DCDC1: variants seen among roughly 807,000 people sequenced by gnomAD.
DCDC1 encodes doublecortin domain containing 1.
In DCDC1, 200 loss-of-function variants were observed where a neutral mutation model predicts 178.3. That is an observed-to-expected ratio of 1.12 (90% CI 1.00 to 1.26). DCDC1 has a LOEUF of 1.26. Among genes scored for constraint, DCDC1 ranks in the 50% most tolerant of loss-of-function variants. The probability of loss-of-function intolerance (pLI) is 0.00; values close to 1 mark genes in which losing one functional copy is unlikely to be tolerated. For missense variants in DCDC1, 1,983 were observed against 1,749.2 expected (o/e 1.13, Z -2.38); for synonymous variants, 690 against 604.8 (o/e 1.14, Z -2.07).
At chr11:31,138,048 T>C (rs1289673325) in intron 9 of DCDC1, among the ~76,000 whole-genome samples, 2 of 152,196 alleles carry the variant, frequency 1.3e-5, no homozygotes, top group Non-Finnish European at 2.9e-5. Flanking sequence ...TATTAGACAC[T>C]GATGAGTACT....
chr11:31,076,729 T>A (rs527478517), intron 18 of DCDC1, among the ~76,000 whole-genome samples: 1 of 152,300 alleles, frequency 6.6e-6, no homozygotes, highest in Admixed American at 6.5e-5. Context: ...GGTTTTCAGA[T>A]CCTCTTATTG....
chr11:30,963,281 G>A (rs1051377715), intron 20 of DCDC1, among the ~76,000 whole-genome samples: 10 of 152,094 alleles, frequency 6.6e-5, no homozygotes, highest in African/African-American at 2.4e-4. Context: ...CAGAGTTCGA[G>A]CTAGAAGAGA....
At chr11:31,136,854 T>C (rs903209872) in intron 10 of DCDC1, among the ~76,000 whole-genome samples, 1 of 152,116 alleles carries the variant, frequency 6.6e-6, no homozygotes, top group Non-Finnish European at 1.5e-5. Flanking sequence ...GAGAGGAAGG[T>C]TTGCTTTAAT....
chr11:31,148,420 G>A (rs1372231093), intron 9 of DCDC1, among the ~76,000 whole-genome samples: 2 of 151,498 alleles, frequency 1.3e-5, no homozygotes, highest in African/African-American at 4.8e-5. Context: ...TGGGATAATC[G>A]CTTGAGCCTG....
intron 3 of DCDC1, among the ~76,000 whole-genome samples, chr11:31,321,722 C>G (rs962367151): frequency 1.3e-5 from 2 of 152,188 alleles, no homozygotes; most frequent in African/African-American, 4.8e-5. Flanking sequence ...CTCAGCTAAT[C>G]TATACCTATT....
chr11:30,898,367 T>A (rs540156159), intron 34 of DCDC1, among the ~76,000 whole-genome samples: 3 of 152,134 alleles, frequency 2.0e-5, no homozygotes, highest in Non-Finnish European at 4.4e-5. Flanking sequence ...AAGGAATATA[T>A]AGATGATGGT....
At chr11:31,364,178 T>C (rs1193736454) in intron 1 of DCDC1, among the ~76,000 whole-genome samples, 5 of 152,198 alleles carry the variant, frequency 3.3e-5, no homozygotes, top group Non-Finnish European at 5.9e-5. Context: ...GTAGGCTAGA[T>C]GTATTAAGGC....
chr11:31,154,553 C>G (rs1329170471), intron 9 of DCDC1, among the ~76,000 whole-genome samples: 1 of 152,204 alleles, frequency 6.6e-6, no homozygotes, highest in Non-Finnish European at 1.5e-5. Context: ...AGTATGTATT[C>G]ATCTCTACAT....
intron 1 of DCDC1, among the ~76,000 whole-genome samples, chr11:31,336,946 C>A (rs1400863429): frequency 6.6e-6 from 1 of 152,124 alleles, no homozygotes; most frequent in Non-Finnish European, 1.5e-5. Flanking sequence ...AAAGCCAGGA[C>A]TGAGGGAAGA....
At chr11:30,918,835 A>G (rs1482328780) in intron 25 of DCDC1, among the ~76,000 whole-genome samples, 4 of 152,154 alleles carry the variant, frequency 2.6e-5, no homozygotes, top group Non-Finnish European at 4.4e-5. Flanking sequence ...CTGTGTTCCA[A>G]AAATCTTTTT....
chr11:31,093,076 T>C (rs1412817840), intron 16 of DCDC1, among the ~76,000 whole-genome samples: 2 of 152,200 alleles, frequency 1.3e-5, no homozygotes, highest in Non-Finnish European at 2.9e-5. Flanking sequence ...AGTGGAGATG[T>C]TATTATTATT....
chr11:31,356,744 A>T (rs1256459520), intron 1 of DCDC1, among the ~76,000 whole-genome samples: 5 of 150,566 alleles, frequency 3.3e-5, no homozygotes, highest in Non-Finnish European at 7.4e-5. Context: ...ATAAAAAATG[A>T]TAAAGGGGAT....
At chr11:30,905,652 A>AC (rs1945005540) in intron 30 of DCDC1, among the ~76,000 whole-genome samples, 1 of 152,124 alleles carries the variant, frequency 6.6e-6, no homozygotes, top group Non-Finnish European at 1.5e-5. Flanking sequence ...CCAACCTAGG[A>AC]TGCTGCCCTG....
intron 3 of DCDC1, among the ~76,000 whole-genome samples, chr11:31,324,640 C>T (rs1209833257): frequency 6.6e-6 from 1 of 152,144 alleles, no homozygotes; most frequent in South Asian, 2.1e-4. Flanking sequence ...GTTTTCTTCT[C>T]ACTCCCTTCT....
At chr11:31,164,349 A>G (rs1966587408) in intron 9 of DCDC1, among the ~76,000 whole-genome samples, 1 of 152,178 alleles carries the variant, frequency 6.6e-6, no homozygotes, top group South Asian at 2.1e-4. Context: ...AAAGAGTGAC[A>G]TCCCCTCAAA....
intron 7 of DCDC1, among the ~76,000 whole-genome samples, chr11:31,272,795 A>G (rs1945669627): frequency 1.3e-5 from 2 of 152,174 alleles, no homozygotes; most frequent in Non-Finnish European, 2.9e-5. Flanking sequence ...CTGGTGTTGA[A>G]TGTCTGAAGC....
At chr11:31,286,406 C>T (rs1013192708) in intron 7 of DCDC1, among the ~76,000 whole-genome samples, 1 of 151,772 alleles carries the variant, frequency 6.6e-6, no homozygotes, top group Non-Finnish European at 1.5e-5. Flanking sequence ...ATATATAACA[C>T]TATATTATTA....
At position 31,202,389 on chromosome 11, in the gene DCDC1, C is replaced by T. The variant is rs184953199; in HGVS notation, c.1221+39061G>A. 1.1e-3 allele frequency among the ~76,000 whole-genome samples: 170 copies of T among 151,528 alleles called. 1 individual carries two copies. The highest frequency in any genetic ancestry group is 3.6e-3 in the African/African-American group (148 of 41,266). ...ATCAGCCTGGGCAACATGGCAAAAC[C>T]TCATCTCCGCAAAAAAAAAAAGAAA... On this transcript the variant is annotated intron_variant, in intron 9 of 38. Transcript: ENST00000684477.
At position 30,873,329 on chromosome 11, in the gene DCDC1, ATG is replaced by A. The variant is rs1208164800; in HGVS notation, c.*40+5213_*40+5214del. ...TATAAAAATGTATAAATATATAAAA[ATG>A]TGTGTGTATATACATATATATATAT... On this transcript the variant is annotated intron_variant, in intron 38 of 38. Coordinates refer to ENST00000684477, the MANE Select transcript of DCDC1 (RefSeq NM_001387274.1). Among the ~76,000 whole-genome samples the A allele has an allele frequency of 7.8e-5, 11 of 140,288 alleles. No individual in the cohort carries two copies. The East Asian group carries it at 1.0e-3, about 13-fold the overall frequency. 92.0% of individuals were successfully genotyped at this position (140,288 alleles called of 152,430 possible).
Sources: gnomAD v4.1 joint callset for allele counts (sites outside exome capture counted in the v4.1 genomes callset) on GRCh38, gnomAD v4.1.1 for gene constraint, MANE v1.5 for transcripts, NCBI Gene and HGNC (gene_info 2026-07-23, HGNC 2026-07-21) for gene names.